CACNA2D3: variants seen among roughly 807,000 people sequenced by gnomAD.
The protein encoded by CACNA2D3 is voltage-dependent calcium channel subunit alpha-2/delta-3.
A neutral mutation model predicts 160.6 loss-of-function variants in CACNA2D3; 60 were observed. That is an observed-to-expected ratio of 0.37 (90% confidence interval 0.30 to 0.46). The LOEUF (loss-of-function observed/expected upper bound fraction) is 0.46, where lower values mean the gene tolerates loss of function less well. Among genes scored for constraint, CACNA2D3 ranks in the 20% least tolerant of loss-of-function variants. The pLI is 1.00. For missense variants in CACNA2D3, 1,205 were observed against 1,365.0 expected, an observed-to-expected ratio of 0.88 and a Z score of 1.85; for synonymous variants, 558 against 492.9, an observed-to-expected ratio of 1.13 and a Z score of -1.75.
chr3:54,135,404 A>G (rs1346817823), intron 2 of CACNA2D3, among the ~76,000 whole-genome samples: 1 of 152,012 alleles, frequency 6.6e-6, no homozygotes, highest in Non-Finnish European at 1.5e-5. Flanking sequence ...GGTTGTTTTT[A>G]TTTGCATTTG....
At chr3:54,569,501 G>A (rs1462130840) in intron 6 of CACNA2D3, among the ~76,000 whole-genome samples, 1 of 152,176 alleles carries the variant, frequency 6.6e-6, no homozygotes, top group East Asian at 1.9e-4. Context: ...TTTATCCCTA[G>A]CCAAGGGAAG....
chr3:54,265,582 G>A (rs71617211), intron 2 of CACNA2D3, among the ~76,000 whole-genome samples: 11 of 148,954 alleles, frequency 7.4e-5, no homozygotes, highest in African/African-American at 2.7e-4. Flanking sequence ...TATAGTGTGT[G>A]TATATATATA....
At chr3:54,431,243 A>G (rs907011078) in intron 4 of CACNA2D3, among the ~76,000 whole-genome samples, 1 of 151,854 alleles carries the variant, frequency 6.6e-6, no homozygotes, top group Non-Finnish European at 1.5e-5. Flanking sequence ...AGGCTGAGGC[A>G]GGAAAATCGC....
intron 25 of CACNA2D3, among the ~76,000 whole-genome samples, chr3:54,892,812 A>G (rs1700098775): frequency 6.6e-6 from 1 of 152,222 alleles, no homozygotes; most frequent in South Asian, 2.1e-4. Flanking sequence ...ACAATAAAAC[A>G]TGACACCTTG....
At chr3:54,464,946 C>A (rs1487346938) in intron 4 of CACNA2D3, among the ~76,000 whole-genome samples, 3 of 152,104 alleles carry the variant, frequency 2.0e-5, no homozygotes, top group African/African-American at 7.2e-5. Flanking sequence ...TGCCTTTTCC[C>A]ATCTCTTCTC....
At chr3:54,746,751 A>G (rs1484331366) in intron 11 of CACNA2D3, among the ~76,000 whole-genome samples, 1 of 152,176 alleles carries the variant, frequency 6.6e-6, no homozygotes, top group Non-Finnish European at 1.5e-5. Flanking sequence ...TTTGAGGCTC[A>G]TAAGTGCTTG....
At position 55,009,372 on chromosome 3, in the gene CACNA2D3, T is replaced by TCA; in HGVS notation, c.2820-15_2820-14insAC. 1.2e-6 allele frequency: 2 copies of TCA among 1,613,184 alleles called. No individual in the cohort carries two copies. The highest frequency in any genetic ancestry group is 1.7e-6 in the Non-Finnish European group (2 of 1,179,140). On this transcript the variant is annotated splice_polypyrimidine_tract_variant and intron_variant, in intron 33 of 37. Coordinates refer to ENST00000474759, the MANE Select transcript of CACNA2D3 (RefSeq NM_018398.3). The stretch of plus-strand genomic sequence containing the variant: ...GGATGACGAAGTAACATTGGGCTTT[T>TCA]CCACGATCTGTTTAGGTTCCTGGTG...
At position 54,763,849 on chromosome 3, in the gene CACNA2D3, A is replaced by G. The variant is rs1427232807; in HGVS notation, c.1247-369A>G. 1.9e-3 allele frequency among the ~76,000 whole-genome samples: 66 copies of G among 34,088 alleles called. 2 individuals are homozygous for G. Among genetic ancestry groups the G allele is most frequent in the South Asian group, 3.7e-3 (3 of 804 alleles). 22.4% of individuals were successfully genotyped at this position (34,088 alleles called of 152,430 possible). A position where few individuals can be genotyped will look rare whatever the true frequency, so the allele number is the denominator to read the frequency against. ...CGTATATATATGTATATATATGTACATATATATACATATATATATACGTAT... is the reference window on the plus strand; with the variant it reads ...CGTATATATATGTATATATATGTACGTATATATACATATATATATACGTAT... On this transcript the variant is annotated intron_variant, in intron 12 of 37. Transcript: ENST00000474759.
Position 54,856,997 on chromosome 3 carries a change from T to A in CACNA2D3, c.1626+10530T>A, listed in dbSNP as rs143849302. Among the ~76,000 whole-genome samples, 1,015 of 152,278 alleles carry A rather than the reference T, an allele frequency of 6.7e-3. 8 individuals are homozygous for A. The highest frequency in any genetic ancestry group is 0.02 in the African/African-American group (814 of 41,550). ...GGTTTCATCATGTTGTCCAGGCTGG[T>A]CTCAAACTCCTGAGCTCAGGCAAGC... is the stretch of plus-strand genomic sequence containing the variant. On this transcript the variant is annotated intron_variant, in intron 17 of 37. Coordinates refer to ENST00000474759, the MANE Select transcript of CACNA2D3 (RefSeq NM_018398.3).
intron 27 of CACNA2D3, among the ~76,000 whole-genome samples, chr3:54,937,107 C>T (rs1261330090): frequency 1.3e-5 from 2 of 152,158 alleles, no homozygotes; most frequent in Non-Finnish European, 2.9e-5. Flanking sequence ...TTGGTGCTTT[C>T]CACTTCTGAA....
At chr3:54,457,548 T>G (rs1187492154) in intron 4 of CACNA2D3, among the ~76,000 whole-genome samples, 2 of 152,028 alleles carry the variant, frequency 1.3e-5, no homozygotes, top group Non-Finnish European at 2.9e-5. Flanking sequence ...TGGATGAAAT[T>G]TTCTGTAAAT....
At chr3:54,541,860 T>C (rs577821603) in intron 5 of CACNA2D3, among the ~76,000 whole-genome samples, 6 of 151,964 alleles carry the variant, frequency 3.9e-5, no homozygotes, top group African/African-American at 1.4e-4. Flanking sequence ...GATGGTTTCA[T>C]AGCAGTGGCA....
At chr3:54,132,782 G>T (rs1245181228) in intron 2 of CACNA2D3, among the ~76,000 whole-genome samples, 2 of 152,166 alleles carry the variant, frequency 1.3e-5, no homozygotes, top group Non-Finnish European at 2.9e-5. Context: ...GAATCTGAGT[G>T]ACGACAATCT....
intron 3 of CACNA2D3, among the ~76,000 whole-genome samples, chr3:54,377,509 TG>T (rs1423623057): frequency 6.6e-6 from 1 of 152,224 alleles, no homozygotes; most frequent in African/African-American, 2.4e-5. Flanking sequence ...TCCTCTACCC[TG>T]TCTTAATAAT....
chr3:54,443,148 C>G (rs1317019033), intron 4 of CACNA2D3, among the ~76,000 whole-genome samples: 1 of 152,156 alleles, frequency 6.6e-6, no homozygotes, highest in African/African-American at 2.4e-5. Flanking sequence ...AGAACAACAC[C>G]TTGAATAAAC....
At chr3:54,245,779 A>G (rs944839666) in intron 2 of CACNA2D3, among the ~76,000 whole-genome samples, 2 of 152,220 alleles carry the variant, frequency 1.3e-5, no homozygotes, top group Non-Finnish European at 2.9e-5. Context: ...AAGTATTAAA[A>G]ATTGTCACCA....
intron 11 of CACNA2D3, among the ~76,000 whole-genome samples, chr3:54,692,695 A>G (rs1252832710): frequency 6.6e-6 from 1 of 152,146 alleles, no homozygotes; most frequent in African/African-American, 2.4e-5. Flanking sequence ...ATCCCCACCC[A>G]GTTACCTGTA....
chr3:54,253,301 C>T (rs754133674), intron 2 of CACNA2D3, among the ~76,000 whole-genome samples: 3 of 152,042 alleles, frequency 2.0e-5, no homozygotes, highest in Admixed American at 6.6e-5. Flanking sequence ...GAGGTTTAAT[C>T]GGCTTGTGCT....
At chr3:54,437,040 A>G (rs750512056) in intron 4 of CACNA2D3, among the ~76,000 whole-genome samples, 3 of 152,228 alleles carry the variant, frequency 2.0e-5, no homozygotes, top group Admixed American at 6.5e-5. Context: ...TTATGCGTAC[A>G]TATTGTCACA....
Sources: allele counts gnomAD v4.1 joint callset (sites outside exome capture counted in the v4.1 genomes callset), GRCh38; gene constraint gnomAD v4.1.1; transcripts MANE v1.5; gene names NCBI Gene and HGNC (gene_info 2026-07-23, HGNC 2026-07-21).